Variants in ANO4 observed in about 807,000 individuals in gnomAD.
ANO4 encodes anoctamin-4.
A neutral mutation model predicts 141.9 loss-of-function variants in ANO4; 69 were observed. The ratio of observed to expected loss-of-function variants is 0.49; its 90% CI spans 0.40 to 0.59. The LOEUF is 0.59. Among genes scored for constraint, ANO4 ranks in the 20% least tolerant of loss-of-function variants. ANO4 has a pLI of 0.00. For synonymous variants in ANO4, 350 were observed against 394.3 expected, an observed-to-expected ratio of 0.89 and a Z score of 1.33; for missense variants, 894 against 1,162.2, an observed-to-expected ratio of 0.77 and a Z score of 3.36.
At chr12:100,859,685 G>C (rs944074879) in intron 1 of ANO4, among the ~76,000 whole-genome samples, 1 of 152,164 alleles carries the variant, frequency 6.6e-6, no homozygotes, top group Non-Finnish European at 1.5e-5. Context: ...TCGCACAATA[G>C]TTTTGTGTTA....
chr12:100,914,726 AT>A (rs1157030692), intron 2 of ANO4, among the ~76,000 whole-genome samples: 3 of 152,302 alleles, frequency 2.0e-5, no homozygotes, highest in Non-Finnish European at 4.4e-5. Flanking sequence ...AGCTGAATTC[AT>A]TTCCTTTCTC....
At chr12:100,795,900 C>T (rs1219306837) in intron 1 of ANO4, among the ~76,000 whole-genome samples, 2 of 152,162 alleles carry the variant, frequency 1.3e-5, no homozygotes, top group Non-Finnish European at 2.9e-5. Flanking sequence ...TAATTTTTCA[C>T]CTGGTCTCCT....
intron 8 of ANO4, among the ~76,000 whole-genome samples, chr12:100,995,387 T>C (rs2045324444): frequency 6.6e-6 from 1 of 151,974 alleles, no homozygotes; most frequent in African/African-American, 2.4e-5. Context: ...AGAACAACAA[T>C]AGTGATGAGT....
At chr12:100,770,212 C>T (rs2033236730) in intron 3 of ANO4, among the ~76,000 whole-genome samples, 1 of 152,196 alleles carries the variant, frequency 6.6e-6, no homozygotes, top group African/African-American at 2.4e-5. Flanking sequence ...CCTTAGACTA[C>T]TGCCATCAGA....
intron 17 of ANO4, among the ~76,000 whole-genome samples, chr12:101,092,377 T>A (rs1045926833): frequency 2.0e-5 from 3 of 152,214 alleles, no homozygotes; most frequent in African/African-American, 7.2e-5. Context: ...GTTACAGATA[T>A]TCACAATGAG....
At chr12:100,881,001 C>T (rs767236009) in intron 1 of ANO4, among the ~76,000 whole-genome samples, 1 of 151,792 alleles carries the variant, frequency 6.6e-6, no homozygotes, top group Non-Finnish European at 1.5e-5. Context: ...AGCTCAATTC[C>T]CACCTATGAG....
intron 15 of ANO4, among the ~76,000 whole-genome samples, chr12:101,080,886 T>TATATATATATATATATA (rs2049235035): frequency 7.6e-6 from 1 of 131,408 alleles, no homozygotes. Flanking sequence ...ATATATATTA[T>TATATATATATATATATA]ATATATATAT....
At chr12:100,889,510 A>G (rs113095668) in intron 1 of ANO4, among the ~76,000 whole-genome samples, 8,600 of 152,274 alleles carry the variant, frequency 0.056, 757 homozygotes, top group African/African-American at 0.18. Flanking sequence ...AAGGGCTAAT[A>G]TCCAGAATCT....
At chr12:100,987,740 C>G (rs1217482002) in intron 8 of ANO4, 70 bp downstream of exon 8, 1 of 1,570,350 alleles carries the variant, frequency 6.4e-7, no homozygotes, top group Non-Finnish European at 8.6e-7. Flanking sequence ...ACCCTGCACG[C>G]CTTTGATTCC....
intron 4 of ANO4, among the ~76,000 whole-genome samples, chr12:100,940,894 A>G (rs1173806843): frequency 6.6e-6 from 1 of 152,172 alleles, no homozygotes; most frequent in African/African-American, 2.4e-5. Context: ...TGAAAATTCA[A>G]TCCACTCCTT....
At chr12:101,071,612 T>G (rs929131288) in intron 14 of ANO4, among the ~76,000 whole-genome samples, 13 of 152,036 alleles carry the variant, frequency 8.6e-5, no homozygotes, top group African/African-American at 3.1e-4. Context: ...ATAGAATGAA[T>G]AAGACGTAGT....
At chr12:100,966,363 G>A (rs749198317) in intron 5 of ANO4, among the ~76,000 whole-genome samples, 27 of 151,484 alleles carry the variant, frequency 1.8e-4, no homozygotes, top group Admixed American at 1.3e-4. Context: ...GCACAGAGAA[G>A]TTAAATAGCT....
At chr12:101,082,542 A>C (rs576194103) in intron 15 of ANO4, among the ~76,000 whole-genome samples, 2 of 152,210 alleles carry the variant, frequency 1.3e-5, no homozygotes, top group South Asian at 2.1e-4. Context: ...TAGGTCTGCT[A>C]TGTTTATCTC....
intron 9 of ANO4, among the ~76,000 whole-genome samples, chr12:101,030,339 A>G (rs2046925711): frequency 6.6e-6 from 1 of 152,222 alleles, no homozygotes; most frequent in African/African-American, 2.4e-5. Context: ...AAAACCACAC[A>G]ATTACATGGA....
At chr12:100,723,179 A>G (rs2030944309) in intron 1 of ANO4, among the ~76,000 whole-genome samples, 1 of 152,150 alleles carries the variant, frequency 6.6e-6, no homozygotes, top group African/African-American at 2.4e-5. Context: ...TTTGATTCTG[A>G]GAAGCAGCAT....
chr12:101,033,243 C>G (rs1248394425), intron 9 of ANO4, among the ~76,000 whole-genome samples: 2 of 151,486 alleles, frequency 1.3e-5, no homozygotes, highest in Non-Finnish European at 2.9e-5. Context: ...CGCATATTCT[C>G]ACTCATAGGT....
intron 1 of ANO4, among the ~76,000 whole-genome samples, chr12:100,836,157 A>G (rs1229085037): frequency 6.6e-6 from 1 of 152,168 alleles, no homozygotes; most frequent in Admixed American, 6.5e-5. Flanking sequence ...CCTTTCCTTT[A>G]TATTTCATTT....
Position 100,810,000 on chromosome 12 carries a change from G to A in ANO4, c.-141+14973G>A, listed in dbSNP as rs563807853. 1.2e-4 allele frequency among the ~76,000 whole-genome samples: 18 copies of A among 152,250 alleles called. No individual in the cohort carries two copies. In the East Asian group the frequency reaches 2.9e-3, roughly 25 times the overall value. ...CTCTGTGCTGGATGCTAGGCATGCAGCAGTGTGCCAGACAGATATGCTCCC... is the reference window on the plus strand; with the variant it reads ...CTCTGTGCTGGATGCTAGGCATGCAACAGTGTGCCAGACAGATATGCTCCC... On this transcript the variant is annotated intron_variant, in intron 1 of 27. Transcript: ENST00000392977.
At chr12:100,809,699 T>A (rs1298905691) in intron 1 of ANO4, among the ~76,000 whole-genome samples, 1 of 152,228 alleles carries the variant, frequency 6.6e-6, no homozygotes, top group Non-Finnish European at 1.5e-5. Flanking sequence ...TTATATGACA[T>A]GCGCAAGAGG....
Sources: gnomAD v4.1 joint callset for allele counts (sites outside exome capture counted in the v4.1 genomes callset) on GRCh38, gnomAD v4.1.1 for gene constraint, MANE v1.5 for transcripts, NCBI Gene and HGNC (gene_info 2026-07-23, HGNC 2026-07-21) for gene names.